The following DGKI variants were observed in gnomAD, a reference collection of about 807,000 sequenced individuals.
DGKI encodes DAG kinase iota.
Under a neutral mutation model 147.5 loss-of-function variants are expected in DGKI, and 55 were observed. That is an observed-to-expected ratio of 0.37 (90% CI 0.30 to 0.47). The LOEUF (loss-of-function observed/expected upper bound fraction) is 0.47, where lower values mean the gene tolerates loss of function less well. Ranked by LOEUF, DGKI falls within the 20% of genes least tolerant of loss-of-function variation. The pLI, the probability that DGKI is intolerant of heterozygous loss-of-function variation, is 1.00. For missense variants in DGKI, 1,007 were observed against 1,323.8 expected (o/e 0.76, Z 3.71); for synonymous variants, 469 against 477.1 (o/e 0.98, Z 0.22).
At chr7:137,675,450 C>T (rs991235983) in intron 3 of DGKI, among the ~76,000 whole-genome samples, 21 of 140,128 alleles carry the variant, frequency 1.5e-4, no homozygotes, top group African/African-American at 6.2e-4. Context: ...TTTGGGAGGC[C>T]GAGGCGGGTG....
At chr7:137,574,186 G>A (rs1483395918) in intron 17 of DGKI, among the ~76,000 whole-genome samples, 4 of 152,090 alleles carry the variant, frequency 2.6e-5, no homozygotes, top group Non-Finnish European at 5.9e-5. Context: ...TAATTTTCAT[G>A]AGTATTCTCA....
chr7:137,605,311 AAT>A (rs1820139019), intron 10 of DGKI, among the ~76,000 whole-genome samples: 1 of 145,918 alleles, frequency 6.9e-6, no homozygotes, highest in East Asian at 2.0e-4. Context: ...CCGTCTCAAA[AAT>A]ATAAAATAAA....
intron 6 of DGKI, among the ~76,000 whole-genome samples, chr7:137,627,940 T>C (rs917384241): frequency 3.3e-5 from 5 of 152,232 alleles, no homozygotes; most frequent in Non-Finnish European, 7.3e-5. Flanking sequence ...CCTATAACAC[T>C]AAGTGGTTAT....
At chr7:137,808,180 C>T (rs1797440944) in intron 1 of DGKI, among the ~76,000 whole-genome samples, 1 of 152,086 alleles carries the variant, frequency 6.6e-6, no homozygotes, top group African/African-American at 2.4e-5. Context: ...CAATATTTTT[C>T]CAGTAAAAAA....
At chr7:137,644,524 C>G (rs895932170) in intron 6 of DGKI, among the ~76,000 whole-genome samples, 2 of 152,210 alleles carry the variant, frequency 1.3e-5, no homozygotes, top group Admixed American at 6.5e-5. Context: ...CCAATATTTC[C>G]TTGCATTGCT....
At chr7:137,613,931 T>G (rs1382270960) in intron 8 of DGKI, among the ~76,000 whole-genome samples, 1 of 152,172 alleles carries the variant, frequency 6.6e-6, no homozygotes, top group Non-Finnish European at 1.5e-5. Context: ...TTTCCATGCA[T>G]GTAAACGCAC....
At chr7:137,577,445 G>A (rs996741992) in intron 16 of DGKI, among the ~76,000 whole-genome samples, 161 bp from the exon 17 acceptor site, 3 of 152,130 alleles carry the variant, frequency 2.0e-5, no homozygotes, top group Non-Finnish European at 4.4e-5. Context: ...TAGTTGTCAA[G>A]TTGAAATTTT....
intron 19 of DGKI, among the ~76,000 whole-genome samples, chr7:137,567,527 A>T (rs1207844663): frequency 6.6e-6 from 1 of 152,224 alleles, no homozygotes; most frequent in East Asian, 1.9e-4. Context: ...CCTATCTGCA[A>T]AATTCAGACT....
chr7:137,639,686 C>T (rs987251906), intron 6 of DGKI, among the ~76,000 whole-genome samples: 33 of 152,082 alleles, frequency 2.2e-4, no homozygotes, highest in Non-Finnish European at 1.5e-5. Context: ...GAACAAAGGG[C>T]CCCAGGGTGA....
intron 1 of DGKI, among the ~76,000 whole-genome samples, chr7:137,808,731 T>C (rs1160917551): frequency 6.6e-6 from 1 of 152,074 alleles, no homozygotes; most frequent in Non-Finnish European, 1.5e-5. Flanking sequence ...TAAAAAACCA[T>C]GGGAGAGACC....
intron 5 of DGKI, among the ~76,000 whole-genome samples, chr7:137,648,948 A>G (rs1018113836): frequency 6.6e-6 from 1 of 152,230 alleles, no homozygotes; most frequent in Non-Finnish European, 1.5e-5. Flanking sequence ...AAACTAAGGC[A>G]TGGATTGATA....
Position 137,657,615 on chromosome 7 carries a change from T to C in DGKI, c.607-1075A>G, listed in dbSNP as rs530037692. 4.9e-4 allele frequency among the ~76,000 whole-genome samples: 74 copies of C among 152,160 alleles called. 1 individual carries two copies. Among genetic ancestry groups the C allele is most frequent in the Non-Finnish European group, 5.0e-4 (34 of 68,030 alleles). On this transcript the variant is annotated intron_variant, in intron 3 of 32. Transcript: ENST00000614521. ...GTGTTTGAGCCTGAAAGAAATGTAC[T>C]ATAACTAAGCCTGTCTGTCAGATGG...
In DGKI at chr7:137,388,163, T is replaced by A. The variant is rs1811235436; in HGVS notation, c.*3057A>T. 1 of 152,238 alleles carries A rather than the reference T, an allele frequency of 6.6e-6. No homozygotes were observed. The highest frequency in any genetic ancestry group is 1.5e-5 in the Non-Finnish European group (1 of 68,042). The allele number at this position is 152,238 out of a possible 1,614,324, so 9.4% of individuals were successfully genotyped here. On this transcript the variant is annotated 3_prime_UTR_variant, in exon 33 of 33. Transcript: ENST00000614521. The stretch of plus-strand genomic sequence containing the variant: ...GAAAGCAAAATTCCTAGTCATGGTA[T>A]TTATTCCATTCTTGGCTTACTAATC...
intron 2 of DGKI, among the ~76,000 whole-genome samples, chr7:137,681,712 A>C (rs1823240994): frequency 6.6e-6 from 1 of 152,256 alleles, no homozygotes; most frequent in South Asian, 2.1e-4. Context: ...TACTTTAGAA[A>C]GTGAAGTCCA....
chr7:137,564,638 G>C (rs1330157993), intron 19 of DGKI, among the ~76,000 whole-genome samples: 1 of 152,104 alleles, frequency 6.6e-6, no homozygotes, highest in Non-Finnish European at 1.5e-5. Context: ...TTGTTTGTAA[G>C]GACATAATTG....
intron 1 of DGKI, among the ~76,000 whole-genome samples, chr7:137,752,706 G>T (rs768099773): frequency 6.6e-6 from 1 of 152,110 alleles, no homozygotes; most frequent in Non-Finnish European, 1.5e-5. Flanking sequence ...AATCGATCAC[G>T]ACCCTCTCAC....
At chr7:137,690,487 G>C (rs139746697) in intron 1 of DGKI, among the ~76,000 whole-genome samples, 1 of 152,120 alleles carries the variant, frequency 6.6e-6, no homozygotes, top group African/African-American at 2.4e-5. Context: ...CTTTCCTCTC[G>C]AGAATATCAT....
rs780788785 is a variant in DGKI at position 137,623,473 on chromosome 7, C to A, written c.876+10G>T. 1 of 1,613,028 alleles carries A rather than the reference C, an allele frequency of 6.2e-7. No homozygotes were observed. Among genetic ancestry groups the A allele is most frequent in the Non-Finnish European group, 8.5e-7 (1 of 1,179,074 alleles). On this transcript the variant is annotated intron_variant, in intron 7 of 32. Coordinates refer to ENST00000614521, the MANE Select transcript of DGKI (RefSeq NM_001321708.2). The stretch of plus-strand genomic sequence containing the variant: ...TGAGCCCACATTGCTTTATTTCATC[C>A]CAATCTTACCGCCTGCTTGCACCAG...
chr7:137,692,163 A>G (rs1296203528), intron 1 of DGKI, among the ~76,000 whole-genome samples: 1 of 152,028 alleles, frequency 6.6e-6, no homozygotes, highest in Admixed American at 6.6e-5. Flanking sequence ...GTTTTCCTCC[A>G]CCTATGTTGA....
Sources: allele counts gnomAD v4.1 joint callset (sites outside exome capture counted in the v4.1 genomes callset), GRCh38; gene constraint gnomAD v4.1.1; transcripts MANE v1.5; gene names NCBI Gene and HGNC (gene_info 2026-07-23, HGNC 2026-07-21).